The following PC variants were observed in gnomAD, a reference collection of about 807,000 sequenced individuals.
PC encodes the protein pyruvate carboxylase.
A neutral mutation model predicts 107.8 loss-of-function variants in PC; 46 were observed. The observed-to-expected ratio is 0.43, with a 90% CI of 0.34 to 0.55. The LOEUF (loss-of-function observed/expected upper bound fraction) is 0.55, where lower values mean the gene tolerates loss of function less well. Among genes scored for constraint, PC ranks in the 20% least tolerant of loss-of-function variants. The pLI is 0.04. For missense variants in PC, 1,241 were observed against 1,643.1 expected, an observed-to-expected ratio of 0.76 and a Z score of 4.23; for synonymous variants, 662 against 684.7, an observed-to-expected ratio of 0.97 and a Z score of 0.52.
chr11:66,917,240 T>A (rs1948483711), intron 3 of PC, among the ~76,000 whole-genome samples: 1 of 151,768 alleles, frequency 6.6e-6, no homozygotes, highest in Non-Finnish European at 1.5e-5. Context: ...CCCGGCTAAT[T>A]TTTGTATTTT....
chr11:66,872,730 G>A (rs1240603629), intron 3 of PC, among the ~76,000 whole-genome samples: 3 of 151,862 alleles, frequency 2.0e-5, no homozygotes, highest in African/African-American at 4.8e-5. Context: ...GCAAGACTCC[G>A]TCTCAAAAAA....
rs768083620 is a variant in PC at position 66,850,995 on chromosome 11, C to T, written c.2223+45G>A. ...GATGTGTGCCTGTGGGTGGCGGGGA[C>T]ATGGCCGGGGCAGAGAGGGAGGGAC... On this transcript the variant is annotated intron_variant, in intron 17 of 22. Coordinates refer to ENST00000393960, the MANE Select transcript of PC (RefSeq NM_001040716.2). 1.9e-6 allele frequency: 3 copies of T among 1,609,674 alleles called. No individual in the cohort carries two copies. The East Asian group carries it at 6.7e-5, about 36-fold the overall frequency.
At chr11:66,956,598 C>CA (rs951087665) in intron 1 of PC, among the ~76,000 whole-genome samples, 3 of 151,948 alleles carry the variant, frequency 2.0e-5, no homozygotes, top group Admixed American at 1.3e-4. Context: ...AAAACAAAAA[C>CA]AAAAAAACCT....
chr11:66,880,946 G>A (rs1182070711), intron 3 of PC, among the ~76,000 whole-genome samples: 8 of 152,324 alleles, frequency 5.3e-5, no homozygotes, highest in East Asian at 3.9e-4. Flanking sequence ...CTGCTCCCTC[G>A]AGCTGAGCCG....
At chr11:66,902,938 G>A (rs1948012442) in intron 3 of PC, among the ~76,000 whole-genome samples, 2 of 152,238 alleles carry the variant, frequency 1.3e-5, no homozygotes, top group African/African-American at 4.8e-5. Context: ...GAAGCACAGC[G>A]GCTGCGGCAA....
At position 66,848,888 on chromosome 11, in the gene PC, C is replaced by T; in HGVS notation, c.*11G>A. On this transcript the variant is annotated 3_prime_UTR_variant, in exon 23 of 23. Coordinates refer to ENST00000393960, the MANE Select transcript of PC (RefSeq NM_001040716.2). ...GCTTGGGGATGGCCAGGCTGCCGGTCTGGGGCAAGATCACTCGATCTCCAG... is the reference window on the plus strand; with the variant it reads ...GCTTGGGGATGGCCAGGCTGCCGGTTTGGGGCAAGATCACTCGATCTCCAG... 1.2e-6 allele frequency: 2 copies of T among 1,613,672 alleles called. No homozygotes were observed. The highest frequency in any genetic ancestry group is 1.7e-6 in the Non-Finnish European group (2 of 1,180,038).
At chr11:66,873,705 G>A (rs1251827283) in intron 3 of PC, among the ~76,000 whole-genome samples, 1 of 149,736 alleles carries the variant, frequency 6.7e-6, no homozygotes, top group Non-Finnish European at 1.5e-5. Context: ...GCCCAGCACA[G>A]AGCCCAAGCC....
intron 3 of PC, among the ~76,000 whole-genome samples, chr11:66,932,859 ACCAAAACCCATTCCAAAGTCCCAGCAC>A (rs1402740468): frequency 1.3e-5 from 2 of 152,276 alleles, no homozygotes; most frequent in East Asian, 3.9e-4. Context: ...TTTTCTGCAC[ACCAAAACCCATTCCAAAGTCCCAGCAC>A]CAGGAACTAT....
intron 15 of PC, 51 bp from the exon 16 acceptor site, chr11:66,851,997 C>A: frequency 6.3e-7 from 1 of 1,598,678 alleles, no homozygotes; most frequent in Non-Finnish European, 8.5e-7. Context: ...TGGGGAACTC[C>A]ACCAGGCCTT....
Position 66,930,741 on chromosome 11 carries a change from T to TA in PC, c.-1+21688dup, listed in dbSNP as rs34424812. Among the ~76,000 whole-genome samples the TA allele has an allele frequency of 4.5e-3, 443 of 99,118 alleles. 1 individual carries two copies. The highest frequency in any genetic ancestry group is 0.012 in the South Asian group (36 of 2,882). 65.0% of individuals were successfully genotyped at this position (99,118 alleles called of 152,430 possible). On this transcript the variant is annotated intron_variant, in intron 3 of 22. Transcript: ENST00000393960. ...TGGGCGACAGAGCAAGACTCTGTCTTAAAAAAAAAAAAAAAAAAAAAAAAG... is the reference window on the plus strand; with the variant it reads ...TGGGCGACAGAGCAAGACTCTGTCTTAAAAAAAAAAAAAAAAAAAAAAAAAG...
chr11:66,865,553 T>C (rs966850511), intron 11 of PC, among the ~76,000 whole-genome samples: 3 of 152,092 alleles, frequency 2.0e-5, no homozygotes, highest in South Asian at 4.2e-4. Context: ...GGAAGAAAGG[T>C]ACAGGGAGCC....
At chr11:66,949,433 C>T (rs1437986539) in intron 3 of PC, among the ~76,000 whole-genome samples, 1 of 152,038 alleles carries the variant, frequency 6.6e-6, no homozygotes, top group Non-Finnish European at 1.5e-5. Flanking sequence ...CGGCGGCTCA[C>T]GCCTGTAATC....
intron 3 of PC, among the ~76,000 whole-genome samples, chr11:66,930,183 A>G (rs1487566104): frequency 7.1e-6 from 1 of 141,746 alleles, no homozygotes; most frequent in Admixed American, 6.8e-5. Flanking sequence ...GTAGAAAAAC[A>G]AAAGCAGGTA....
chr11:66,870,706 A>ACG lies in PC; in HGVS notation c.751+67_751+68dup. Reference sequence around the variant, plus strand: ...GCTGTCCCCAAGGCCAGCCACTGTGACGGCACCAGGACTGGGCCTCTCAGC... The same window carrying ACG: ...GCTGTCCCCAAGGCCAGCCACTGTGACGCGGCACCAGGACTGGGCCTCTCAGC... On this transcript the variant is annotated intron_variant, in intron 8 of 22. Coordinates refer to ENST00000393960, the MANE Select transcript of PC (RefSeq NM_001040716.2). The surrounding 1 kb of genome is among the most constrained non-coding windows in gnomAD (Gnocchi z 6.1). 2.1e-6 allele frequency: 3 copies of ACG among 1,447,108 alleles called. No homozygotes were observed. In the Admixed American group the frequency reaches 5.0e-5, roughly 24 times the overall value. The allele number at this position is 1,447,108 out of a possible 1,614,324, so 89.6% of individuals were successfully genotyped here. A position where few individuals can be genotyped will look rare whatever the true frequency, so the allele number is the denominator to read the frequency against.
In PC at chr11:66,870,562, G is replaced by T. The variant is rs943069904; in HGVS notation, c.752-109C>A. Reference sequence around the variant, plus strand: ...TCGCCAGTCAGTGCCGGCTGCCAGCGGTACAGAGGCTGCCAGGAGAGACAC... The same window carrying T: ...TCGCCAGTCAGTGCCGGCTGCCAGCTGTACAGAGGCTGCCAGGAGAGACAC... On this transcript the variant is annotated intron_variant, in intron 8 of 22. Transcript: ENST00000393960. The surrounding 1 kb of genome is among the most constrained non-coding windows in gnomAD (Gnocchi z 6.1). The T allele has an allele frequency of 7.5e-7, 1 of 1,331,576 alleles. No homozygotes were observed. Among genetic ancestry groups the T allele is most frequent in the Non-Finnish European group, 1.1e-6 (1 of 945,622 alleles). 82.5% of individuals were successfully genotyped at this position (1,331,576 alleles called of 1,614,324 possible).
intron 16 of PC, 41 bp from the exon 17 acceptor site, chr11:66,851,321 C>T: frequency 1.9e-6 from 3 of 1,599,268 alleles, no homozygotes; most frequent in Non-Finnish European, 2.5e-6. Flanking sequence ...CCCACCCCAC[C>T]TCCCTCTGAA....
intron 3 of PC, among the ~76,000 whole-genome samples, chr11:66,878,400 A>G (rs1040439095): frequency 2.6e-5 from 4 of 152,216 alleles, no homozygotes; most frequent in African/African-American, 9.6e-5. Flanking sequence ...ATGCAAAGAA[A>G]GAGATTTCCT....
chr11:66,884,283 C>G (rs1448458302), intron 3 of PC, among the ~76,000 whole-genome samples: 2 of 151,724 alleles, frequency 1.3e-5, no homozygotes. Context: ...ATGGTGGTGC[C>G]CATAGATAGT....
intron 3 of PC, among the ~76,000 whole-genome samples, chr11:66,936,792 A>G (rs1349058092): frequency 1.3e-5 from 2 of 152,054 alleles, no homozygotes; most frequent in Non-Finnish European, 2.9e-5. Context: ...ATCCCTGGGT[A>G]TTTGTAGAAA....
Sources: allele counts gnomAD v4.1 joint callset (sites outside exome capture counted in the v4.1 genomes callset), GRCh38; gene constraint gnomAD v4.1.1; non-coding constraint Gnocchi (gnomAD v3.1); transcripts MANE v1.5; gene names NCBI Gene and HGNC (gene_info 2026-07-23, HGNC 2026-07-21).